Variants in TRPM2 observed in about 807,000 individuals in gnomAD.
The protein encoded by TRPM2 is estrogen-responsive element-associated gene 1 protein.
TRPM2 carries 161 observed loss-of-function variants against 174.0 expected under a neutral mutation model. The observed-to-expected ratio is 0.93, with a 90% CI of 0.81 to 1.05. The LOEUF (loss-of-function observed/expected upper bound fraction) is 1.05, where lower values mean the gene tolerates loss of function less well. TRPM2 is among the 50% of genes least tolerant of loss of function. TRPM2 has a pLI of 0.00. For missense variants in TRPM2, 2,057 were observed against 2,038.0 expected (o/e 1.01, Z -0.18); for synonymous variants, 954 against 861.3 (o/e 1.11, Z -1.88).
chr21:44,351,651 G>A (rs1156869020), upstream of TRPM2, among the ~76,000 whole-genome samples: 1 of 152,220 alleles, frequency 6.6e-6, no homozygotes, highest in African/African-American at 2.4e-5. Context: ...CCCTTGGAAG[G>A]TCGTTGCCAG....
chr21:44,419,619 G>GGTA (rs750043378), intron 22 of TRPM2, among the ~76,000 whole-genome samples: 1 of 1,192 alleles, frequency 8.4e-4, no homozygotes, highest in Non-Finnish European at 1.6e-3. Context: ...ATGGTGATGT[G>GGTA]GTGGTGATTG....
At chr21:44,368,321 G>A (rs1222138823) in intron 4 of TRPM2, among the ~76,000 whole-genome samples, 1 of 152,090 alleles carries the variant, frequency 6.6e-6, no homozygotes, top group Non-Finnish European at 1.5e-5. Flanking sequence ...TGTCCAGGCT[G>A]GTCTTGAACT....
At chr21:44,361,083 G>A (rs772740312) in intron 2 of TRPM2, among the ~76,000 whole-genome samples, 25 of 152,130 alleles carry the variant, frequency 1.6e-4, no homozygotes, top group Admixed American at 8.5e-4. Flanking sequence ...TACATGACCC[G>A]TGTCTTTTTC....
At chr21:44,378,963 C>A in intron 7 of TRPM2, 34 bp from the exon 8 acceptor site, 1 of 1,592,120 alleles carries the variant, frequency 6.3e-7, no homozygotes, top group Non-Finnish European at 8.5e-7. Context: ...GGTGAGGACC[C>A]AGTCCCGGGC....
At chr21:44,364,750 A>G (rs2048310434) in intron 3 of TRPM2, among the ~76,000 whole-genome samples, 8 of 152,196 alleles carry the variant, frequency 5.3e-5, no homozygotes, top group Admixed American at 5.2e-4. Context: ...AGCAAACGCG[A>G]GAGTCCTTGC....
intron 16 of TRPM2, among the ~76,000 whole-genome samples, chr21:44,402,734 C>CA (rs2049666551): frequency 6.6e-6 from 1 of 152,164 alleles, no homozygotes; most frequent in African/African-American, 2.4e-5. Flanking sequence ...CCAGGTGGGG[C>CA]GAATCCCTTA....
At chr21:44,425,001 C>T (rs937206321) in intron 24 of TRPM2, 62 bp downstream of exon 24, 1 of 1,452,970 alleles carries the variant, frequency 6.9e-7, no homozygotes, top group African/African-American at 1.4e-5. Flanking sequence ...GGTCTGGGGT[C>T]AGTTGGGAGG....
At position 44,441,898 on chromosome 21, in the gene TRPM2, G is replaced by A. The variant is rs1247697617; in HGVS notation, c.*81G>A. Reference sequence around the variant, plus strand: ...GCTTCTCTCTCCTGAGCCTGGCCAGGACTCAGGCTGTTCCTGGGCCCTGCA... The same window carrying A: ...GCTTCTCTCTCCTGAGCCTGGCCAGAACTCAGGCTGTTCCTGGGCCCTGCA... On this transcript the variant is annotated 3_prime_UTR_variant, in exon 32 of 32. Transcript: ENST00000397928. The A allele has an allele frequency of 5.4e-6, 8 of 1,486,144 alleles. No homozygotes were observed. Among genetic ancestry groups the A allele is most frequent in the Admixed American group, 4.2e-5 (2 of 47,234 alleles). 92.1% of individuals were successfully genotyped at this position (1,486,144 alleles called of 1,614,324 possible). A position where few individuals can be genotyped will look rare whatever the true frequency, so the allele number is the denominator to read the frequency against.
At chr21:44,400,174 C>G in intron 14 of TRPM2, 85 bp from the exon 15 acceptor site, 1 of 1,164,838 alleles carries the variant, frequency 8.6e-7, no homozygotes, top group African/African-American at 1.5e-5. Flanking sequence ...CCACTAGGCA[C>G]CCCGAGTCCT....
intron 22 of TRPM2, among the ~76,000 whole-genome samples, chr21:44,419,311 C>T (rs929343007): frequency 6.6e-6 from 1 of 152,112 alleles, no homozygotes; most frequent in Non-Finnish European, 1.5e-5. Context: ...GTGCCCTCCC[C>T]CTTAGAGACA....
chr21:44,392,383 G>T (rs1868491391), intron 11 of TRPM2, among the ~76,000 whole-genome samples: 1 of 150,450 alleles, frequency 6.6e-6, no homozygotes, highest in African/African-American at 2.4e-5. Context: ...TCCGTCTCTT[G>T]AGTAGCTGGG....
chr21:44,408,284 A>T (rs2049973632), intron 19 of TRPM2, among the ~76,000 whole-genome samples: 1 of 152,040 alleles, frequency 6.6e-6, no homozygotes, highest in Admixed American at 6.6e-5. Flanking sequence ...ACGTAGCATG[A>T]ACAGTTATTT....
Position 44,397,796 on chromosome 21 carries a change from A to T in TRPM2, c.1982A>T (p.Glu661Val). The change falls in exon 13 of 32, where the codon GAA becomes GTA. Residue 661 changes from glutamate (E) to valine (V), a missense_variant. Glu to Val is a moderately radical substitution (Grantham distance 121). Transcript: ENST00000397928. ...TTGGCCTGCAGCAAGATCCTGAAGG[A>T]ACTGTCCAAGGAGGAGGAGGACACG... ...AALACSKILK[E>V]LSKEEEDTDS... The T allele has an allele frequency of 6.2e-7, 1 of 1,603,528 alleles. No homozygotes were observed. Among genetic ancestry groups the T allele is most frequent in the African/African-American group, 1.3e-5 (1 of 74,710 alleles).
intron 27 of TRPM2, among the ~76,000 whole-genome samples, chr21:44,428,465 C>T (rs1229757518): frequency 4.0e-4 from 39 of 97,746 alleles, no homozygotes; most frequent in African/African-American, 9.2e-4. Flanking sequence ...CCTCCCCTGA[C>T]GTGTGGCTCC....
chr21:44,418,822 G>A (rs2050409215), intron 22 of TRPM2, among the ~76,000 whole-genome samples: 1 of 152,222 alleles, frequency 6.6e-6, no homozygotes, highest in Admixed American at 6.5e-5. Flanking sequence ...GGCTGGGGGA[G>A]GGGCAGGTTG....
chr21:44,352,953 G>A (rs2047951299), upstream of TRPM2, among the ~76,000 whole-genome samples: 1 of 152,188 alleles, frequency 6.6e-6, no homozygotes, highest in Non-Finnish European at 1.5e-5. Context: ...TCAGGAGTTT[G>A]AGACCAACCT....
chr21:44,391,005 A>C lies in TRPM2; in HGVS notation c.1420A>C (p.Met474Leu). Residue 474 changes from methionine to leucine, a missense_variant, in exon 10 of 32, where the codon ATG becomes CTG. Transcript: ENST00000397928. This position sits in a 1 kb window ranked among gnomAD's most constrained non-coding sequence, Gnocchi z 5.0. The part of the protein sequence containing the change: ...RVDIARSEIF[M>L]DEWQWKPSDL... ...GGACATTGCCCGCAGTGAGATCTTC[A>C]TGGATGAGTGGCAGTGGAAGGTAAG... 6.2e-7 allele frequency: 1 copy of C among 1,614,026 alleles called. No individual in the cohort carries two copies. Among genetic ancestry groups the C allele is most frequent in the Non-Finnish European group, 8.5e-7 (1 of 1,180,030 alleles).
Position 44,400,355 on chromosome 21 carries a change from G to T in TRPM2, c.2305G>T (p.Gly769Cys). The T allele has an allele frequency of 1.9e-6, 3 of 1,611,878 alleles. No homozygotes were observed. In the Admixed American group the frequency reaches 5.0e-5, roughly 27 times the overall value. ...GCTGGCCTTCCCGCTGCTCCTCACCGGCCTCATCTCCTTCAGGTGCTGCAG... is the reference window on the plus strand; with the variant it reads ...GCTGGCCTTCCCGCTGCTCCTCACCTGCCTCATCTCCTTCAGGTGCTGCAG... ...CMLAFPLLLT[G>C]LISFREKRLQ... The change falls in exon 15 of 32, where the codon GGC (glycine) becomes TGC (cysteine). Residue 769 changes from glycine (G) to cysteine (C), a missense_variant. Physicochemically the swap from Gly to Cys is radical, Grantham distance 159. Coordinates refer to ENST00000397928, the MANE Select transcript of TRPM2 (RefSeq NM_003307.4).
chr21:44,364,760 C>A (rs190737465), intron 3 of TRPM2, among the ~76,000 whole-genome samples: 3 of 152,282 alleles, frequency 2.0e-5, no homozygotes, highest in Non-Finnish European at 4.4e-5. Context: ...AGAGTCCTTG[C>A]GAGGAGTCTG....
Sources: gnomAD v4.1 joint callset for allele counts (sites outside exome capture counted in the v4.1 genomes callset) on GRCh38, gnomAD v4.1.1 for gene constraint, Gnocchi (gnomAD v3.1) non-coding constraint, MANE v1.5 for transcripts, NCBI Gene and HGNC (gene_info 2026-07-23, HGNC 2026-07-21) for gene names.